Variants in FBXO33 observed in about 807,000 individuals in gnomAD.
The protein encoded by FBXO33 is F-box protein 33.
FBXO33 carries 22 observed loss-of-function variants against 46.3 expected under a neutral mutation model. That is an observed-to-expected ratio of 0.48 (90% CI 0.34 to 0.68). The LOEUF is 0.68. Among genes scored for constraint, FBXO33 ranks in the 30% least tolerant of loss-of-function variants. The pLI is 0.01. For missense variants in FBXO33, 692 were observed against 708.8 expected, an observed-to-expected ratio of 0.98 and a Z score of 0.27; for synonymous variants, 337 against 291.3, an observed-to-expected ratio of 1.16 and a Z score of -1.60.
intron 1 of FBXO33, 152 bp downstream of exon 1, chr14:39,431,412 G>C (rs1231959081): frequency 6.4e-6 from 9 of 1,398,366 alleles, no homozygotes; most frequent in Non-Finnish European, 8.7e-6. Flanking sequence ...TTCCGCTCAA[G>C]GAAACCGCCT....
In FBXO33 at chr14:39,431,573, C is replaced by A. The variant is rs2075551403; in HGVS notation, c.590G>T (p.Arg197Leu). The change falls in exon 1 of 4, where the codon CGG (arginine) becomes CTG (leucine). Residue 197 changes from arginine (R) to leucine (L), a missense_variant. Transcript: ENST00000298097. ...ELVLCVLVSI[R>L]NNRNLQKFSL... ...CTCAGGGCAAGCCTACCTGTTGTTC[C>A]GGATGCTGACCAGCACGCAAAGCAC... The A allele has an allele frequency of 6.2e-7, 1 of 1,612,218 alleles. No homozygotes were observed. The highest frequency in any genetic ancestry group is 1.3e-5 in the African/African-American group (1 of 74,942).
intron 1 of FBXO33, among the ~76,000 whole-genome samples, chr14:39,421,082 T>C (rs2075480523): frequency 1.3e-5 from 2 of 152,198 alleles, no homozygotes; most frequent in African/African-American, 4.8e-5. Flanking sequence ...CTGTGGTCTA[T>C]GTGTAGATTC....
rs2075553557 is a variant in FBXO33 at position 39,431,636 on chromosome 14, G to C, written c.527C>G (p.Ala176Gly). 1 of 1,613,646 alleles carries C rather than the reference G, an allele frequency of 6.2e-7. No individual in the cohort carries two copies. The highest frequency in any genetic ancestry group is 1.3e-5 in the African/African-American group (1 of 75,050). ...GGTGCGCAGCACTTCCAGCCAACGA[G>C]CTGAGAGCTGCAGGGCCTCGACTTC... ...GEEVEALQLS[A>G]RWLEVLRTYL... is the part of the protein sequence containing the mutation. Residue 176 changes from alanine (A) to glycine (G), a missense_variant, in exon 1 of 4, where the codon GCT (alanine) becomes GGT (glycine). This residue lies in a region of FBXO33 where 412 missense variants were observed against 370.8 expected (regional missense o/e 1.11). Transcript: ENST00000298097.
chr14:39,404,792 C>T (rs911627567), intron 1 of FBXO33, among the ~76,000 whole-genome samples: 5 of 151,976 alleles, frequency 3.3e-5, no homozygotes, highest in South Asian at 2.1e-4. Context: ...GAAATGATGA[C>T]GTAGAGGTAG....
rs561855669 is a variant in FBXO33 at position 39,415,539 on chromosome 14, GATA to G, written c.600-13031_600-13029del. 4.7e-3 allele frequency among the ~76,000 whole-genome samples: 713 copies of G among 152,338 alleles called. 3 individuals are homozygous for G. The highest frequency in any genetic ancestry group is 7.9e-3 in the Non-Finnish European group (535 of 68,036). ...TGGTATATATAATAGTGCATTTTAA[GATA>G]ATAATATAATTGTATGCAAAAACTG... On this transcript the variant is annotated intron_variant, in intron 1 of 3. Coordinates refer to ENST00000298097, the MANE Select transcript of FBXO33 (RefSeq NM_203301.4).
chr14:39,411,787 C>T (rs1456673483), intron 1 of FBXO33, among the ~76,000 whole-genome samples: 4 of 151,850 alleles, frequency 2.6e-5, no homozygotes, highest in Admixed American at 2.0e-4. Context: ...TTCTAAAGTG[C>T]TGGGATTACA....
Position 39,399,477 on chromosome 14 carries a change from T to C in FBXO33, c.*39A>G. 3.2e-6 allele frequency: 5 copies of C among 1,567,330 alleles called. No homozygotes were observed. The highest frequency in any genetic ancestry group is 4.3e-6 in the Non-Finnish European group (5 of 1,154,582). ...AAAAAAAAACATAATAGGACCCTAC[T>C]TGCATATGTAACCACAGGAATTCTA... is the stretch of plus-strand genomic sequence containing the variant. On this transcript the variant is annotated 3_prime_UTR_variant, in exon 4 of 4. Coordinates refer to ENST00000298097, the MANE Select transcript of FBXO33 (RefSeq NM_203301.4).
intron 1 of FBXO33, among the ~76,000 whole-genome samples, chr14:39,429,965 C>G (rs2075534853): frequency 1.3e-5 from 2 of 152,230 alleles, no homozygotes; most frequent in Admixed American, 6.5e-5. Context: ...GAACTAGACA[C>G]TTATCAAGTC....
rs545792010 is a variant in FBXO33 at position 39,414,008 on chromosome 14, A to AG, written c.600-11498dup. ...GATGCATTAACCTCTAACGAGAGTC[A>AG]GCCTGTCTTTTGACGCTTTTAAAGT... On this transcript the variant is annotated intron_variant, in intron 1 of 3. Coordinates refer to ENST00000298097, the MANE Select transcript of FBXO33 (RefSeq NM_203301.4). 8.3e-4 allele frequency among the ~76,000 whole-genome samples: 126 copies of AG among 152,346 alleles called. 4 individuals are homozygous for AG. The highest frequency in any genetic ancestry group is 8.0e-3 in the Admixed American group (122 of 15,306).
chr14:39,428,461 G>C (rs1300487818), intron 1 of FBXO33, among the ~76,000 whole-genome samples: 2 of 152,044 alleles, frequency 1.3e-5, no homozygotes, highest in Non-Finnish European at 2.9e-5. Flanking sequence ...CGGCCTCCCA[G>C]AAAGTGCTGT....
chr14:39,431,312 A>G (rs1347640782), intron 1 of FBXO33, among the ~76,000 whole-genome samples: 1 of 152,188 alleles, frequency 6.6e-6, no homozygotes, highest in Non-Finnish European at 1.5e-5. Flanking sequence ...AAGAGGATGA[A>G]TGAGTGCCTG....
intron 1 of FBXO33, among the ~76,000 whole-genome samples, chr14:39,403,697 G>A (rs916773210): frequency 2.6e-5 from 4 of 151,652 alleles, no homozygotes; most frequent in South Asian, 2.1e-4. Context: ...CAATAATAAC[G>A]AACTAGATAT....
intron 1 of FBXO33, among the ~76,000 whole-genome samples, chr14:39,421,793 CA>C (rs2075485904): frequency 6.9e-6 from 1 of 144,688 alleles, no homozygotes; most frequent in African/African-American, 2.7e-5. Flanking sequence ...CACACACACA[CA>C]CACACACACA....
At chr14:39,412,254 T>C (rs2075426834) in intron 1 of FBXO33, among the ~76,000 whole-genome samples, 2 of 152,364 alleles carry the variant, frequency 1.3e-5, no homozygotes, top group Non-Finnish European at 1.5e-5. Flanking sequence ...ACTGGATGCA[T>C]ATATATTTAT....
rs567937672 is a variant in FBXO33 at position 39,432,131 on chromosome 14, C to A, written c.32G>T (p.Arg11Leu). The A allele has an allele frequency of 2.1e-4, 260 of 1,240,314 alleles. 7 individuals are homozygous for A. The Admixed American group carries it at 9.8e-3, about 47-fold the overall frequency. 76.8% of individuals were successfully genotyped at this position (1,240,314 alleles called of 1,614,324 possible). A position where few individuals can be genotyped will look rare whatever the true frequency, so the allele number is the denominator to read the frequency against. Residue 11 changes from arginine to leucine, a missense_variant, in exon 1 of 4, where the codon CGA becomes CTA. Physicochemically the swap from Arg to Leu is moderately radical, Grantham distance 102. Transcript: ENST00000298097. The stretch of plus-strand genomic sequence containing the variant: ...GGCTCGGGTTCGAGCTCCCGGCGGT[C>A]GGGGCTGCGGCACTGACAAGAACAA... MLLFLSVPQP[R>L]PPGARTRAGA... is the part of the protein sequence containing the mutation.
At chr14:39,428,270 A>G (rs188747318) in intron 1 of FBXO33, among the ~76,000 whole-genome samples, 1 of 152,188 alleles carries the variant, frequency 6.6e-6, no homozygotes, top group African/African-American at 2.4e-5. Flanking sequence ...CAGTAGCACG[A>G]TCTCTATTCA....
rs550510952 is a variant in FBXO33 at position 39,424,427 on chromosome 14, A to G, written c.599+7137T>C. On this transcript the variant is annotated intron_variant, in intron 1 of 3. Transcript: ENST00000298097. The stretch of plus-strand genomic sequence containing the variant: ...ATGGCAGGGCCTTTTGATTATTGCT[A>G]TATCTCCAAATACTAACACAGGGTC... Among the ~76,000 whole-genome samples the G allele has an allele frequency of 2.6e-4, 40 of 152,322 alleles. No individual in the cohort carries two copies. The South Asian group carries it at 5.4e-3, about 21-fold the overall frequency.
chr14:39,418,799 A>C (rs555064428), intron 1 of FBXO33, among the ~76,000 whole-genome samples: 20 of 152,076 alleles, frequency 1.3e-4, no homozygotes, highest in Admixed American at 8.5e-4. Flanking sequence ...ACAAAAAAAA[A>C]ACAAACTGCA....
chr14:39,410,340 T>C (rs777839130), intron 1 of FBXO33, among the ~76,000 whole-genome samples: 7 of 152,350 alleles, frequency 4.6e-5, no homozygotes, highest in Middle Eastern at 3.4e-3. Flanking sequence ...AGTATATTTA[T>C]TGATGTGCAT....
Sources: gnomAD v4.1 joint callset for allele counts (sites outside exome capture counted in the v4.1 genomes callset) on GRCh38, gnomAD v4.1.1 for gene constraint, gnomAD v4.1.1 regional missense constraint, MANE v1.5 for transcripts, NCBI Gene and HGNC (gene_info 2026-07-23, HGNC 2026-07-21) for gene names.